Variants in SLC35E3 observed in about 807,000 individuals in gnomAD.
SLC35E3 encodes the protein bladder cancer-overexpressed gene 1 protein.
Under a neutral mutation model 30.8 loss-of-function variants are expected in SLC35E3, and 28 were observed. The ratio of observed to expected loss-of-function variants is 0.91; its 90% CI spans 0.67 to 1.25. The LOEUF (loss-of-function observed/expected upper bound fraction) is 1.25, where lower values mean the gene tolerates loss of function less well. Ranked by LOEUF, SLC35E3 falls within the 50% of genes most tolerant of loss-of-function variation. The pLI is 0.00. For missense variants in SLC35E3, 365 were observed against 375.4 expected (o/e 0.97, Z 0.23); for synonymous variants, 146 against 149.2 (o/e 0.98, Z 0.16).
Position 68,746,866 on chromosome 12 carries a change from C to T in SLC35E3, c.402+87C>T, listed in dbSNP as rs754875530. On this transcript the variant is annotated intron_variant, in intron 1 of 4. Coordinates refer to ENST00000398004, the MANE Select transcript of SLC35E3 (RefSeq NM_018656.5). Reference sequence around the variant, plus strand: ...GAAATTCGAACGCACACTGGTCTTTCCCTTCATCTTGAAATCCACAAATGA... The same window carrying T: ...GAAATTCGAACGCACACTGGTCTTTTCCTTCATCTTGAAATCCACAAATGA... 1.3e-4 allele frequency: 179 copies of T among 1,363,246 alleles called. 1 individual carries two copies. Among genetic ancestry groups the T allele is most frequent in the Non-Finnish European group, 1.7e-4 (172 of 1,002,076 alleles). 84.4% of individuals were successfully genotyped at this position (1,363,246 alleles called of 1,614,324 possible).
rs1037779209 is a variant in SLC35E3 at position 68,765,667 on chromosome 12, CAT to C, written c.*783_*784del. The C allele has an allele frequency of 2.7e-5, 4 of 149,560 alleles. No individual in the cohort carries two copies. Among genetic ancestry groups the C allele is most frequent in the African/African-American group, 9.9e-5 (4 of 40,416 alleles). The allele number at this position is 149,560 out of a possible 1,614,324, so 9.3% of individuals were successfully genotyped here. On this transcript the variant is annotated 3_prime_UTR_variant, in exon 5 of 5. Transcript: ENST00000398004. ...GTGTGTGTGTGTATACATATATACACATATATACACACACACATACATATACA... is the reference window on the plus strand; with the variant it reads ...GTGTGTGTGTGTATACATATATACACATATACACACACACATACATATACA...
chr12:68,749,283 G>T (rs915941330), intron 2 of SLC35E3, among the ~76,000 whole-genome samples: 1 of 152,176 alleles, frequency 6.6e-6, no homozygotes, highest in Non-Finnish European at 1.5e-5. Context: ...TCAGTAAGTG[G>T]TAAAGGTACC....
chr12:68,761,649 TG>T (rs1260010346), intron 4 of SLC35E3, among the ~76,000 whole-genome samples: 1 of 152,180 alleles, frequency 6.6e-6, no homozygotes, highest in East Asian at 1.9e-4. Context: ...CACCCATGGT[TG>T]AGAACTACTG....
At position 68,746,239 on chromosome 12, in the gene SLC35E3, G is replaced by A; in HGVS notation, c.-139G>A. On this transcript the variant is annotated 5_prime_UTR_variant, in exon 1 of 5. Coordinates refer to ENST00000398004, the MANE Select transcript of SLC35E3 (RefSeq NM_018656.5). ...CCTCTGTTAAGAGTGCTACTCGCCCGGGGTTGATCTGTGCATGCCACTCCT... is the reference window on the plus strand; with the variant it reads ...CCTCTGTTAAGAGTGCTACTCGCCCAGGGTTGATCTGTGCATGCCACTCCT... 2 of 754,700 alleles carry A rather than the reference G, an allele frequency of 2.7e-6. No individual in the cohort carries two copies. The highest frequency in any genetic ancestry group is 4.2e-6 in the Non-Finnish European group (2 of 479,218). The allele number at this position is 754,700 out of a possible 1,614,324, so 46.8% of individuals were successfully genotyped here.
chr12:68,754,555 G>A lies in SLC35E3; in HGVS notation c.672+2365G>A, dbSNP rs540206442. Among the ~76,000 whole-genome samples, 9 of 152,194 alleles carry A rather than the reference G, an allele frequency of 5.9e-5. No homozygotes were observed. In the South Asian group the frequency reaches 1.9e-3, roughly 32 times the overall value. On this transcript the variant is annotated intron_variant, in intron 3 of 4. Transcript: ENST00000398004. ...CCCACCTCGGCCTCCCAAAGTGCTGGGATTACAGGCGTGAGCCGCCGCGCC... is the reference window on the plus strand; with the variant it reads ...CCCACCTCGGCCTCCCAAAGTGCTGAGATTACAGGCGTGAGCCGCCGCGCC...
chr12:68,753,241 C>G (rs1215944735), intron 3 of SLC35E3, among the ~76,000 whole-genome samples: 1 of 151,710 alleles, frequency 6.6e-6, no homozygotes, highest in Non-Finnish European at 1.5e-5. Context: ...AAGATTGTGC[C>G]ACTGCACTCC....
chr12:68,767,013 T>C lies in SLC35E3; in HGVS notation c.*2123T>C, dbSNP rs373836056. The stretch of plus-strand genomic sequence containing the variant: ...ACTTGGAGTGAACTACATCCAACCT[T>C]TCTAAGGTGGCTGGGGAAAATTCTT... On this transcript the variant is annotated 3_prime_UTR_variant, in exon 5 of 5. Coordinates refer to ENST00000398004, the MANE Select transcript of SLC35E3 (RefSeq NM_018656.5). 15 of 173,858 alleles carry C rather than the reference T, an allele frequency of 8.6e-5. No individual in the cohort carries two copies. In the South Asian group the frequency reaches 1.3e-3, roughly 15 times the overall value. 10.8% of individuals were successfully genotyped at this position (173,858 alleles called of 1,614,324 possible).
chr12:68,764,574 C>T (rs1879320028), intron 4 of SLC35E3, 130 bp from the exon 5 acceptor site: 2 of 702,570 alleles, frequency 2.8e-6, no homozygotes, highest in Non-Finnish European at 4.4e-6. Context: ...AGGCATGATC[C>T]ACCACGCCTG....
At chr12:68,754,432 C>T (rs1265302029) in intron 3 of SLC35E3, among the ~76,000 whole-genome samples, 7 of 151,948 alleles carry the variant, frequency 4.6e-5, no homozygotes, top group African/African-American at 9.7e-5. Context: ...TAGAGGTGTG[C>T]GCCACCATGC....
chr12:68,758,508 T>C (rs1879113385), intron 3 of SLC35E3, among the ~76,000 whole-genome samples: 2 of 152,154 alleles, frequency 1.3e-5, no homozygotes, highest in African/African-American at 2.4e-5. Context: ...ATATTCTTTT[T>C]GCTTTTCTTT....
At chr12:68,759,741 G>C (rs184464207) in intron 4 of SLC35E3, among the ~76,000 whole-genome samples, 1 of 151,898 alleles carries the variant, frequency 6.6e-6, no homozygotes, top group Admixed American at 6.6e-5. Flanking sequence ...GAGGAAGTGG[G>C]TTAGCTTTTT....
intron 3 of SLC35E3, among the ~76,000 whole-genome samples, chr12:68,755,376 A>T (rs1878963288): frequency 1.3e-5 from 2 of 152,224 alleles, no homozygotes; most frequent in South Asian, 4.1e-4. Flanking sequence ...TGGTCGCATC[A>T]ATTTATCAAG....
In SLC35E3 at chr12:68,771,791, C is replaced by G. The variant is rs1879608255; in HGVS notation, c.*6901C>G. On this transcript the variant is annotated 3_prime_UTR_variant, in exon 5 of 5. Coordinates refer to ENST00000398004, the MANE Select transcript of SLC35E3 (RefSeq NM_018656.5). ...AGCACTGGGACTTCCAGTCCAGACT[C>G]TGCCATTCACTGGTATAGCCTTTGG... The G allele has an allele frequency of 6.6e-6, 1 of 152,250 alleles. No individual in the cohort carries two copies. The highest frequency in any genetic ancestry group is 2.1e-4 in the South Asian group (1 of 4,832). The allele number at this position is 152,250 out of a possible 1,614,324, so 9.4% of individuals were successfully genotyped here. A position where few individuals can be genotyped will look rare whatever the true frequency, so the allele number is the denominator to read the frequency against.
At chr12:68,764,002 G>A (rs1005570509) in intron 4 of SLC35E3, among the ~76,000 whole-genome samples, 1 of 152,120 alleles carries the variant, frequency 6.6e-6, no homozygotes, top group African/African-American at 2.4e-5. Context: ...ATGATGTTTG[G>A]TGTATAGTTG....
In SLC35E3 at chr12:68,770,865, T is replaced by G. The variant is rs1182406974; in HGVS notation, c.*5975T>G. 1.2e-5 allele frequency: 2 copies of G among 163,760 alleles called. No individual in the cohort carries two copies. The highest frequency in any genetic ancestry group is 4.8e-5 in the African/African-American group (2 of 41,414). 10.1% of individuals were successfully genotyped at this position (163,760 alleles called of 1,614,324 possible). A position where few individuals can be genotyped will look rare whatever the true frequency, so the allele number is the denominator to read the frequency against. ...AACAAAAAATCACACATGTCTGATTTGCGCAGCTTGATAGAGAATGGTGCC... is the reference window on the plus strand; with the variant it reads ...AACAAAAAATCACACATGTCTGATTGGCGCAGCTTGATAGAGAATGGTGCC... On this transcript the variant is annotated 3_prime_UTR_variant, in exon 5 of 5. Coordinates refer to ENST00000398004, the MANE Select transcript of SLC35E3 (RefSeq NM_018656.5).
rs182856987 is a variant in SLC35E3 at position 68,764,117 on chromosome 12, T to G, written c.756-587T>G. 3.3e-4 allele frequency among the ~76,000 whole-genome samples: 50 copies of G among 152,330 alleles called. No individual in the cohort carries two copies. In the East Asian group the frequency reaches 6.4e-3, roughly 19 times the overall value. The stretch of plus-strand genomic sequence containing the variant: ...ACTTCATTTCCCAAGGAAACACCAC[T>G]GTAAAACATAATTATAAATTGCTGT... On this transcript the variant is annotated intron_variant, in intron 4 of 4. Transcript: ENST00000398004.
chr12:68,758,236 A>G (rs1421132333), intron 3 of SLC35E3, among the ~76,000 whole-genome samples: 1 of 152,146 alleles, frequency 6.6e-6, no homozygotes, highest in East Asian at 1.9e-4. Flanking sequence ...CCTGGCCAAG[A>G]TGGTGAAACC....
chr12:68,762,334 G>T (rs1021814974), intron 4 of SLC35E3, among the ~76,000 whole-genome samples: 7 of 152,156 alleles, frequency 4.6e-5, no homozygotes, highest in African/African-American at 1.7e-4. Flanking sequence ...AAACTAGGTG[G>T]AGGATGAGAA....
In SLC35E3 at chr12:68,746,273, C is replaced by G; in HGVS notation, c.-105C>G. The stretch of plus-strand genomic sequence containing the variant: ...CTGTGCATGCCACTCCTGGGTCAGA[C>G]GGTGAGGTCGGCGTCTGCGAGGACG... On this transcript the variant is annotated 5_prime_UTR_variant, in exon 1 of 5. Transcript: ENST00000398004. 1 of 1,122,958 alleles carries G rather than the reference C, an allele frequency of 8.9e-7. No individual in the cohort carries two copies. The highest frequency in any genetic ancestry group is 1.2e-6 in the Non-Finnish European group (1 of 800,456). The allele number at this position is 1,122,958 out of a possible 1,614,324, so 69.6% of individuals were successfully genotyped here. A position where few individuals can be genotyped will look rare whatever the true frequency, so the allele number is the denominator to read the frequency against.
Sources: gnomAD v4.1 joint callset for allele counts (sites outside exome capture counted in the v4.1 genomes callset) on GRCh38, gnomAD v4.1.1 for gene constraint, MANE v1.5 for transcripts, NCBI Gene and HGNC (gene_info 2026-07-23, HGNC 2026-07-21) for gene names.